EYS: variants seen among roughly 807,000 people sequenced by gnomAD.
EYS encodes protein eyes shut homolog.
Under a neutral mutation model 282.1 loss-of-function variants are expected in EYS, and 250 were observed. That is an observed-to-expected ratio of 0.89 (90% CI 0.80 to 0.98). The LOEUF (loss-of-function observed/expected upper bound fraction) is 0.98, where lower values mean the gene tolerates loss of function less well. Ranked by LOEUF, EYS falls within the 50% of genes least tolerant of loss-of-function variation. The probability of loss-of-function intolerance (pLI) is 0.00; values close to 1 mark genes in which losing one functional copy is unlikely to be tolerated. For missense variants in EYS, 4,016 were observed against 3,709.0 expected, an observed-to-expected ratio of 1.08 and a Z score of -2.15; for synonymous variants, 1,355 against 1,282.9, an observed-to-expected ratio of 1.06 and a Z score of -1.20.
chr6:64,842,087 T>C (rs536464326), intron 19 of EYS, among the ~76,000 whole-genome samples: 2 of 152,094 alleles, frequency 1.3e-5, no homozygotes, highest in Non-Finnish European at 2.9e-5. Flanking sequence ...GTTTGCACTA[T>C]CTGTTACTCT....
In EYS at chr6:64,686,747, A is replaced by ATATATATATATATGTG. The variant is rs1562133605; in HGVS notation, c.3444-60503_3444-60502insCACATATATATATATA. ...ACAGAGCAAGATTCCATCTAAATAT[A>ATATATATATATATGTG]TATATATATATATATGTGTGTATAT... On this transcript the variant is annotated intron_variant, in intron 22 of 42. Coordinates refer to ENST00000503581, the MANE Select transcript of EYS (RefSeq NM_001142800.2). 5.1e-3 allele frequency among the ~76,000 whole-genome samples: 169 copies of ATATATATATATATGTG among 33,226 alleles called. 6 individuals carry two copies. The highest frequency in any genetic ancestry group is 0.019 in the Middle Eastern group (1 of 54). 21.8% of individuals were successfully genotyped at this position (33,226 alleles called of 152,430 possible). A position where few individuals can be genotyped will look rare whatever the true frequency, so the allele number is the denominator to read the frequency against.
At chr6:63,740,211 A>G (rs1275478300) in intron 41 of EYS, among the ~76,000 whole-genome samples, 1 of 152,134 alleles carries the variant, frequency 6.6e-6, no homozygotes, top group Non-Finnish European at 1.5e-5. Context: ...TTATGGGAGG[A>G]ACCCAGTGGG....
intron 13 of EYS, among the ~76,000 whole-genome samples, chr6:65,044,076 C>T (rs1383746172): frequency 2.0e-5 from 3 of 151,544 alleles, no homozygotes; most frequent in African/African-American, 7.3e-5. Context: ...AAGAGCCATG[C>T]TAAGAGGAGT....
At chr6:64,553,902 T>C (rs947115095) in intron 26 of EYS, among the ~76,000 whole-genome samples, 1 of 152,178 alleles carries the variant, frequency 6.6e-6, no homozygotes, top group African/African-American at 2.4e-5. Flanking sequence ...TATTTATATT[T>C]CTTATTTCTT....
At chr6:64,756,385 T>C (rs906364486) in intron 22 of EYS, among the ~76,000 whole-genome samples, 1 of 152,178 alleles carries the variant, frequency 6.6e-6, no homozygotes, top group African/African-American at 2.4e-5. Flanking sequence ...AGGATCTTGC[T>C]TTTTTAAGCA....
chr6:65,432,809 A>T (rs1767935343), intron 5 of EYS, among the ~76,000 whole-genome samples: 1 of 152,174 alleles, frequency 6.6e-6, no homozygotes, highest in Non-Finnish European at 1.5e-5. Context: ...GCAGCAATGA[A>T]ATGGGTGAGA....
intron 5 of EYS, among the ~76,000 whole-genome samples, chr6:65,415,108 T>A (rs1291606843): frequency 6.6e-6 from 1 of 152,120 alleles, no homozygotes; most frequent in African/African-American, 2.4e-5. Flanking sequence ...AAGATTAAAT[T>A]TAGCAATGGC....
At chr6:64,340,181 G>C (rs1421014057) in intron 29 of EYS, among the ~76,000 whole-genome samples, 1 of 150,832 alleles carries the variant, frequency 6.6e-6, no homozygotes, top group Non-Finnish European at 1.5e-5. Flanking sequence ...GTAAAAAAGT[G>C]TGTGTGTGTA....
At chr6:65,146,015 A>T (rs1163795027) in intron 12 of EYS, among the ~76,000 whole-genome samples, 1 of 151,830 alleles carries the variant, frequency 6.6e-6, no homozygotes, top group Non-Finnish European at 1.5e-5. Flanking sequence ...CTTTAAATTC[A>T]ACTTTTCTAT....
chr6:65,016,218 T>C (rs1772044798), intron 13 of EYS, among the ~76,000 whole-genome samples: 1 of 151,724 alleles, frequency 6.6e-6, no homozygotes, highest in African/African-American at 2.4e-5. Context: ...AAAAAGTATA[T>C]ATATATTTTT....
chr6:65,341,205 C>T (rs935298054), intron 10 of EYS, among the ~76,000 whole-genome samples: 2 of 150,996 alleles, frequency 1.3e-5, no homozygotes, highest in African/African-American at 4.8e-5. Context: ...CTTTGGGCAA[C>T]ATTTTTATTG....
intron 11 of EYS, among the ~76,000 whole-genome samples, chr6:65,299,059 T>C (rs1768743522): frequency 6.6e-6 from 1 of 152,104 alleles, no homozygotes; most frequent in African/African-American, 2.4e-5. Flanking sequence ...AAATCAAGTG[T>C]TTAATTTTAA....
intron 5 of EYS, chr6:65,489,586 G>A (rs1048269902): frequency 7.2e-5 from 11 of 152,234 alleles, no homozygotes; most frequent in African/African-American, 1.2e-4. Context: ...CAAGGATCTA[G>A]AACTAGAAAT....
At chr6:64,029,981 C>A (rs77432539) in intron 33 of EYS, among the ~76,000 whole-genome samples, 2,301 of 152,164 alleles carry the variant, frequency 0.015, 53 homozygotes, top group East Asian at 0.07. Context: ...TGCAAAAACA[C>A]AAGGAGGTGG....
At chr6:65,026,469 G>A (rs1772411253) in intron 13 of EYS, among the ~76,000 whole-genome samples, 1 of 152,186 alleles carries the variant, frequency 6.6e-6, no homozygotes, top group Admixed American at 6.5e-5. Context: ...AAACAAACAT[G>A]TAGGAAGGCA....
intron 16 of EYS, among the ~76,000 whole-genome samples, chr6:64,909,697 G>A (rs1767934270): frequency 6.6e-6 from 1 of 151,908 alleles, no homozygotes; most frequent in Admixed American, 6.6e-5. Flanking sequence ...TAGTTCTGGT[G>A]CTTAACTATA....
chr6:64,075,082 T>C (rs545061827), intron 32 of EYS, among the ~76,000 whole-genome samples: 12 of 152,074 alleles, frequency 7.9e-5, no homozygotes, highest in Admixed American at 2.6e-4. Context: ...TATCTTGCAT[T>C]GAGATCTCTG....
intron 2 of EYS, among the ~76,000 whole-genome samples, chr6:65,514,185 C>T (rs1767025522): frequency 6.6e-6 from 1 of 151,940 alleles, no homozygotes; most frequent in African/African-American, 2.4e-5. Flanking sequence ...AACTCCCATT[C>T]ACAATTGCTT....
At chr6:64,560,884 G>A (rs581516) in intron 26 of EYS, among the ~76,000 whole-genome samples, 116,481 of 151,916 alleles carry the variant, frequency 0.77, 45,572 homozygotes, top group African/African-American at 0.94. Context: ...CAGAGACACA[G>A]CAAAAAAAGA....
Sources: gnomAD v4.1 joint callset for allele counts (sites outside exome capture counted in the v4.1 genomes callset) on GRCh38, gnomAD v4.1.1 for gene constraint, MANE v1.5 for transcripts, NCBI Gene and HGNC (gene_info 2026-07-23, HGNC 2026-07-21) for gene names.